Variants in CDK6 observed in about 807,000 individuals in gnomAD.
CDK6 encodes the protein cyclin-dependent kinase 6.
Under a neutral mutation model 37.1 loss-of-function variants are expected in CDK6, and 6 were observed. That is an observed-to-expected ratio of 0.16 (90% CI 0.09 to 0.32). The LOEUF is 0.32. CDK6 is among the 10% of genes least tolerant of loss of function. The probability of loss-of-function intolerance (pLI) is 1.00; values close to 1 mark genes in which losing one functional copy is unlikely to be tolerated. For synonymous variants in CDK6, 160 were observed against 161.3 expected, an observed-to-expected ratio of 0.99 and a Z score of 0.06; for missense variants, 224 against 418.9, an observed-to-expected ratio of 0.53 and a Z score of 4.06.
chr7:92,686,743 C>T (rs1192865882), intron 4 of CDK6, among the ~76,000 whole-genome samples: 6 of 152,102 alleles, frequency 3.9e-5, no homozygotes, highest in African/African-American at 1.4e-4. Context: ...ACATTCCCAC[C>T]AACAGTGTAA....
In CDK6 at chr7:92,728,839, A is replaced by C. The variant is rs569108695; in HGVS notation, c.370-3046T>G. Among the ~76,000 whole-genome samples, 68 of 152,330 alleles carry C rather than the reference A, an allele frequency of 4.5e-4. No individual in the cohort carries two copies. In the East Asian group the frequency reaches 5.6e-3, roughly 13 times the overall value. Reference sequence around the variant, plus strand: ...ACACAATTGGAATTCTGAACCAATGAACACTGAGTTAACGACTTAAAAAAC... The same window carrying C: ...ACACAATTGGAATTCTGAACCAATGCACACTGAGTTAACGACTTAAAAAAC... On this transcript the variant is annotated intron_variant, in intron 3 of 7. Transcript: ENST00000424848.
intron 5 of CDK6, among the ~76,000 whole-genome samples, chr7:92,642,618 A>G (rs1796337100): frequency 6.6e-6 from 1 of 152,198 alleles, no homozygotes; most frequent in African/African-American, 2.4e-5. Flanking sequence ...GTTTCACTGA[A>G]CATGTACAAT....
chr7:92,686,489 T>TAA (rs1797457164), intron 4 of CDK6, among the ~76,000 whole-genome samples: 1 of 152,148 alleles, frequency 6.6e-6, no homozygotes, highest in Admixed American at 6.5e-5. Context: ...ATTATATATA[T>TAA]AATGAAATAT....
At chr7:92,820,379 T>A (rs1450985809) in intron 2 of CDK6, among the ~76,000 whole-genome samples, 1 of 152,046 alleles carries the variant, frequency 6.6e-6, no homozygotes, top group Non-Finnish European at 1.5e-5. Context: ...CTCTATATAG[T>A]CAGAAGAATG....
At chr7:92,745,744 T>C (rs944603390) in intron 3 of CDK6, among the ~76,000 whole-genome samples, 5 of 152,220 alleles carry the variant, frequency 3.3e-5, no homozygotes, top group African/African-American at 1.2e-4. Flanking sequence ...CAGGAACCTG[T>C]GTTGCTGATA....
intron 3 of CDK6, among the ~76,000 whole-genome samples, chr7:92,759,466 T>A (rs1050617747): frequency 6.6e-6 from 1 of 152,062 alleles, no homozygotes; most frequent in African/African-American, 2.4e-5. Context: ...CACACCAATT[T>A]TAGCTACTAT....
chr7:92,649,525 T>C (rs1195582321), intron 5 of CDK6, among the ~76,000 whole-genome samples: 1 of 152,216 alleles, frequency 6.6e-6, no homozygotes, highest in African/African-American at 2.4e-5. Context: ...AATATTTTCA[T>C]GTTTAAGGCA....
intron 6 of CDK6, among the ~76,000 whole-genome samples, chr7:92,619,954 G>A (rs563280887): frequency 1.3e-5 from 2 of 152,260 alleles, no homozygotes; most frequent in South Asian, 2.1e-4. Flanking sequence ...GATACAATGG[G>A]ACAGGGCAGA....
chr7:92,678,819 A>G (rs111829375), intron 4 of CDK6, among the ~76,000 whole-genome samples: 2 of 152,322 alleles, frequency 1.3e-5, no homozygotes, highest in South Asian at 2.1e-4. Flanking sequence ...GCTTTGGCCA[A>G]TGGGAAGTCT....
At chr7:92,808,355 T>C (rs947459959) in intron 2 of CDK6, among the ~76,000 whole-genome samples, 2 of 152,236 alleles carry the variant, frequency 1.3e-5, no homozygotes, top group Non-Finnish European at 2.9e-5. Context: ...GGAGGTTTCT[T>C]TGCTTTTGCC....
At chr7:92,802,550 C>A (rs1800607560) in intron 2 of CDK6, among the ~76,000 whole-genome samples, 1 of 152,176 alleles carries the variant, frequency 6.6e-6, no homozygotes, top group African/African-American at 2.4e-5. Context: ...AGGCCAAAGA[C>A]ATAAAGTGCT....
At chr7:92,796,173 T>G (rs1460777238) in intron 2 of CDK6, among the ~76,000 whole-genome samples, 2 of 151,498 alleles carry the variant, frequency 1.3e-5, no homozygotes, top group African/African-American at 4.8e-5. Context: ...GAGCAACAGA[T>G]TTTTTGAAAA....
At position 92,835,470 on chromosome 7, in the gene CDK6, C is replaced by G. The variant is rs1484024715; in HGVS notation, c.-368+1008G>C. On this transcript the variant is annotated intron_variant, in intron 1 of 7. Coordinates refer to ENST00000424848, the MANE Select transcript of CDK6 (RefSeq NM_001145306.2). This position sits in a 1 kb window ranked among gnomAD's most constrained non-coding sequence, Gnocchi z 4.2. ...CAGCAATGCCTTTTCCCCCCCTCTCCTCCACTTTTTTTTGTTGTTGTTGTT... is the reference window on the plus strand; with the variant it reads ...CAGCAATGCCTTTTCCCCCCCTCTCGTCCACTTTTTTTTGTTGTTGTTGTT... 2.0e-5 allele frequency among the ~76,000 whole-genome samples: 3 copies of G among 152,180 alleles called. No individual in the cohort carries two copies. Among genetic ancestry groups the G allele is most frequent in the Non-Finnish European group, 4.4e-5 (3 of 68,030 alleles).
Position 92,649,060 on chromosome 7 carries a change from C to T in CDK6, c.647+22366G>A, listed in dbSNP as rs150600522. Among the ~76,000 whole-genome samples the T allele has an allele frequency of 6.3e-3, 955 of 151,948 alleles. 5 individuals carry two copies. Among genetic ancestry groups the T allele is most frequent in the Non-Finnish European group, 0.011 (729 of 67,964 alleles). ...CATATCTTGAAAAAAAAAAGTCTCACGGTCAAATATATTTGAGGAGCTATG... is the reference window on the plus strand; with the variant it reads ...CATATCTTGAAAAAAAAAAGTCTCATGGTCAAATATATTTGAGGAGCTATG... On this transcript the variant is annotated intron_variant, in intron 5 of 7. Transcript: ENST00000424848.
chr7:92,822,876 T>C (rs576289304), intron 2 of CDK6, among the ~76,000 whole-genome samples: 1 of 152,100 alleles, frequency 6.6e-6, no homozygotes, highest in African/African-American at 2.4e-5. Flanking sequence ...GTTTCAGAGT[T>C]TGAAGTTTAT....
At chr7:92,640,930 T>A (rs1327734432) in intron 5 of CDK6, among the ~76,000 whole-genome samples, 1 of 152,090 alleles carries the variant, frequency 6.6e-6, no homozygotes, top group Non-Finnish European at 1.5e-5. Flanking sequence ...CAACCAATAT[T>A]TACTACATGC....
At chr7:92,699,449 C>G (rs777412129) in intron 4 of CDK6, among the ~76,000 whole-genome samples, 16 of 152,208 alleles carry the variant, frequency 1.1e-4, no homozygotes, top group Non-Finnish European at 4.4e-5. Context: ...TAAGTTCTTT[C>G]AACTATTTAC....
intron 2 of CDK6, among the ~76,000 whole-genome samples, chr7:92,811,943 G>C (rs1800896762): frequency 6.6e-6 from 1 of 152,152 alleles, no homozygotes; most frequent in Non-Finnish European, 1.5e-5. Flanking sequence ...ATGAGGTCAG[G>C]AGTTCGAGAT....
intron 3 of CDK6, among the ~76,000 whole-genome samples, chr7:92,766,464 T>C (rs920729038): frequency 6.6e-6 from 1 of 152,210 alleles, no homozygotes; most frequent in Non-Finnish European, 1.5e-5. Flanking sequence ...GTCAATGTTT[T>C]ACATGGTTAG....
Sources: allele counts gnomAD v4.1 joint callset (sites outside exome capture counted in the v4.1 genomes callset), GRCh38; gene constraint gnomAD v4.1.1; non-coding constraint Gnocchi (gnomAD v3.1); transcripts MANE v1.5; gene names NCBI Gene and HGNC (gene_info 2026-07-23, HGNC 2026-07-21).